APPL2: variants seen among roughly 807,000 people sequenced by gnomAD.
The protein encoded by APPL2 is adaptor protein, phosphotyrosine interacting with PH domain and leucine zipper 2, also known as DCC-interacting protein 13-beta.
A neutral mutation model predicts 92.7 loss-of-function variants in APPL2; 84 were observed. That is an observed-to-expected ratio of 0.91 (90% CI 0.76 to 1.09). The LOEUF is 1.09. Among genes scored for constraint, APPL2 ranks in the 50% least tolerant of loss-of-function variants. The pLI, the probability that APPL2 is intolerant of heterozygous loss-of-function variation, is 0.00. For missense variants in APPL2, 736 were observed against 824.5 expected, an observed-to-expected ratio of 0.89 and a Z score of 1.31; for synonymous variants, 291 against 291.0, an observed-to-expected ratio of 1.00 and a Z score of 0.00.
rs377275589 is a variant in APPL2 at position 105,186,644 on chromosome 12, TG to T, written c.1634+1628del. Among the ~76,000 whole-genome samples the T allele has an allele frequency of 8.8e-4, 55 of 62,454 alleles. 1 individual carries two copies. The highest frequency in any genetic ancestry group is 2.0e-3 in the African/African-American group (51 of 25,944). The allele number at this position is 62,454 out of a possible 152,430, so 41.0% of individuals were successfully genotyped here. A position where few individuals can be genotyped will look rare whatever the true frequency, so the allele number is the denominator to read the frequency against. On this transcript the variant is annotated intron_variant, in intron 17 of 20. Transcript: ENST00000258530. ...ATATATATCATATATATCATATATA[TG>T]ATATCGATATCATATATATCATATA...
chr12:105,199,904 C>T (rs1022908964), intron 9 of APPL2, among the ~76,000 whole-genome samples: 2 of 151,992 alleles, frequency 1.3e-5, no homozygotes, highest in Non-Finnish European at 2.9e-5. Context: ...CTGCAAGCTC[C>T]GCCCCTCAGG....
At chr12:105,232,006 C>G (rs1234962038) in intron 1 of APPL2, among the ~76,000 whole-genome samples, 2 of 152,178 alleles carry the variant, frequency 1.3e-5, no homozygotes, top group Non-Finnish European at 2.9e-5. Flanking sequence ...CAGAAAGACA[C>G]GGTCAGAAAG....
intron 2 of APPL2, 50 bp downstream of exon 2, chr12:105,229,075 G>A: frequency 6.8e-7 from 1 of 1,479,224 alleles, no homozygotes. Flanking sequence ...TTCAGGATGA[G>A]GGGAGAGAAT....
chr12:105,181,998 T>G (rs933322032), intron 17 of APPL2, among the ~76,000 whole-genome samples: 2 of 152,214 alleles, frequency 1.3e-5, no homozygotes, highest in South Asian at 4.1e-4. Context: ...TCTTGTCTTC[T>G]GCTAGCTTTT....
intron 9 of APPL2, 166 bp downstream of exon 9, chr12:105,203,537 T>A (rs1201096536): frequency 1.6e-6 from 1 of 641,808 alleles, no homozygotes; most frequent in African/African-American, 1.8e-5. Context: ...CAGATATTTA[T>A]GAATATTGGC....
At chr12:105,199,892 C>T (rs1348517794) in intron 9 of APPL2, among the ~76,000 whole-genome samples, 1 of 152,010 alleles carries the variant, frequency 6.6e-6, no homozygotes, top group Non-Finnish European at 1.5e-5. Flanking sequence ...GATCTCCTCT[C>T]ACTGCAAGCT....
At chr12:105,182,688 T>G (rs1415831482) in intron 17 of APPL2, among the ~76,000 whole-genome samples, 3 of 152,226 alleles carry the variant, frequency 2.0e-5, no homozygotes, top group Non-Finnish European at 4.4e-5. Context: ...ATGTGGTCAA[T>G]TTTAGAATAA....
intron 1 of APPL2, among the ~76,000 whole-genome samples, chr12:105,234,046 T>A (rs1891091616): frequency 6.6e-6 from 1 of 152,158 alleles, no homozygotes; most frequent in East Asian, 1.9e-4. Flanking sequence ...GCTCTGATGA[T>A]CATTAAAGAC....
chr12:105,204,322 G>A (rs191499950), intron 8 of APPL2, among the ~76,000 whole-genome samples: 2 of 152,120 alleles, frequency 1.3e-5, no homozygotes, highest in East Asian at 1.9e-4. Flanking sequence ...ACATTAACCC[G>A]GCTCGTCTGT....
intron 4 of APPL2, among the ~76,000 whole-genome samples, chr12:105,215,176 C>T (rs1889576461): frequency 6.6e-6 from 1 of 152,112 alleles, no homozygotes; most frequent in Non-Finnish European, 1.5e-5. Flanking sequence ...GCTCGTTTGT[C>T]AGAAGTACCA....
intron 14 of APPL2, among the ~76,000 whole-genome samples, chr12:105,194,057 G>A (rs1887441842): frequency 6.6e-6 from 1 of 152,256 alleles, no homozygotes; most frequent in Non-Finnish European, 1.5e-5. Context: ...ACAGATTCTG[G>A]GAAGTTACTT....
chr12:105,216,325 C>T (rs1208042112), intron 4 of APPL2, among the ~76,000 whole-genome samples: 4 of 151,310 alleles, frequency 2.6e-5, no homozygotes, highest in African/African-American at 9.7e-5. Flanking sequence ...CCAGCCTGGG[C>T]AACAAAGCAA....
chr12:105,193,323 T>G (rs1264697543), intron 14 of APPL2, among the ~76,000 whole-genome samples: 2 of 152,168 alleles, frequency 1.3e-5, no homozygotes, highest in Non-Finnish European at 2.9e-5. Context: ...AGATGGCATA[T>G]CAGAGCTAGA....
At chr12:105,217,612 C>T (rs1889792664) in intron 3 of APPL2, 54 bp downstream of exon 3, 1 of 1,562,312 alleles carries the variant, frequency 6.4e-7, no homozygotes, top group African/African-American at 1.4e-5. Flanking sequence ...GATAATTCCA[C>T]TTAAGAAAGT....
chr12:105,203,021 ACACACACACACACACACACACACAC>A (rs1888355796), intron 9 of APPL2, among the ~76,000 whole-genome samples: 1 of 21,014 alleles, frequency 4.8e-5, no homozygotes, highest in South Asian at 3.3e-3. Flanking sequence ...ACACACACAC[ACACACACACACACACACACACACAC>A]ACACACACAC....
At chr12:105,208,561 A>G (rs1482547361) in intron 5 of APPL2, among the ~76,000 whole-genome samples, 2 of 152,326 alleles carry the variant, frequency 1.3e-5, no homozygotes, top group Non-Finnish European at 1.5e-5. Context: ...GCCCCCAGAT[A>G]GAGTGTCTTA....
chr12:105,233,579 C>T (rs1891065537), intron 1 of APPL2: 1 of 177,220 alleles, frequency 5.6e-6, no homozygotes, highest in Non-Finnish European at 1.1e-5. Flanking sequence ...AATTACTCTT[C>T]ATAAAACTAG....
Position 105,218,669 on chromosome 12 carries a change from T to A in APPL2, c.154-944A>T, listed in dbSNP as rs116480960. ...GGCTGGGAATGAGGCAGTGGGAAGG[T>A]GTGCAGGCCCCCGGGGCCCAGGCTC... is the stretch of plus-strand genomic sequence containing the variant. On this transcript the variant is annotated intron_variant, in intron 2 of 20. Coordinates refer to ENST00000258530, the MANE Select transcript of APPL2 (RefSeq NM_018171.5). Among the ~76,000 whole-genome samples the A allele has an allele frequency of 5.0e-3, 758 of 152,200 alleles. 13 individuals carry two copies. Among genetic ancestry groups the A allele is most frequent in the African/African-American group, 0.017 (718 of 41,516 alleles).
intron 5 of APPL2, among the ~76,000 whole-genome samples, chr12:105,209,306 C>G (rs1889020264): frequency 6.6e-6 from 1 of 152,090 alleles, no homozygotes; most frequent in African/African-American, 2.4e-5. Flanking sequence ...CCAAATACTT[C>G]AAAGTGAGGT....
Sources: gnomAD v4.1 joint callset for allele counts (sites outside exome capture counted in the v4.1 genomes callset) on GRCh38, gnomAD v4.1.1 for gene constraint, MANE v1.5 for transcripts, NCBI Gene and HGNC (gene_info 2026-07-23, HGNC 2026-07-21) for gene names.